CLCA1: variants seen among roughly 807,000 people sequenced by gnomAD.
The protein encoded by CLCA1 is calcium-activated chloride channel regulator 1.
Under a neutral mutation model 85.6 loss-of-function variants are expected in CLCA1, and 59 were observed. The observed-to-expected ratio is 0.69, with a 90% CI of 0.56 to 0.86. The LOEUF is 0.86. CLCA1 is among the 40% of genes least tolerant of loss of function. CLCA1 has a pLI of 0.00. For missense variants in CLCA1, 1,022 were observed against 1,101.4 expected, an observed-to-expected ratio of 0.93 and a Z score of 1.02; for synonymous variants, 396 against 398.3, an observed-to-expected ratio of 0.99 and a Z score of 0.07.
intron 10 of CLCA1, 23 bp from the exon 11 acceptor site, chr1:86,494,164 A>G: frequency 6.2e-7 from 1 of 1,611,588 alleles, no homozygotes; most frequent in South Asian, 1.1e-5. Flanking sequence ...TTCATTGGAA[A>G]TGTTTACATG....
intron 5 of CLCA1, among the ~76,000 whole-genome samples, chr1:86,483,300 C>T (rs1480721679): frequency 6.6e-6 from 1 of 152,184 alleles, no homozygotes; most frequent in Non-Finnish European, 1.5e-5. Flanking sequence ...TTTACACAAA[C>T]GTTTTTCAGG....
chr1:86,498,991 A>G (rs1401865751), intron 13 of CLCA1, among the ~76,000 whole-genome samples, 180 bp downstream of exon 13: 2 of 152,196 alleles, frequency 1.3e-5, no homozygotes, highest in Non-Finnish European at 2.9e-5. Flanking sequence ...AACCTGAAAA[A>G]CTGGTAAACT....
intron 9 of CLCA1, among the ~76,000 whole-genome samples, chr1:86,491,941 G>T (rs2791498): frequency 0.41 from 62,544 of 150,810 alleles, 13,526 homozygotes; most frequent in Non-Finnish European, 0.48. Context: ...CCACCAGGTA[G>T]AGACAGAAAA....
In CLCA1 at chr1:86,489,067, A is replaced by C; in HGVS notation, c.1254A>C (p.Ile418=). The C allele has an allele frequency of 6.2e-7, 1 of 1,614,090 alleles. No individual in the cohort carries two copies. The highest frequency in any genetic ancestry group is 1.1e-5 in the South Asian group (1 of 91,086). Residue 418 remains isoleucine (I), a synonymous_variant, in exon 8 of 14, where the codon ATA becomes ATC. Transcript: ENST00000394711. ...TGACGGATGGGGAAGACAACACTAT[A>C]AGTGGGTGCTTTAACGAGGTCAAAC... ...VLLTDGEDNT[I]SGCFNEVKQS... is the part of the protein sequence containing the mutation.
At chr1:86,494,542 C>T (rs1648225131) in intron 11 of CLCA1, 94 bp downstream of exon 11, 3 of 1,319,760 alleles carry the variant, frequency 2.3e-6, no homozygotes, top group Non-Finnish European at 3.2e-6. Context: ...GGCAGTTAGA[C>T]AGGCAAGGCA....
Position 86,494,251 on chromosome 1 carries a change from G to A in CLCA1, c.1745G>A (p.Arg582His), listed in dbSNP as rs933250668. Reference sequence around the variant, plus strand: ...ACCTTGACCCTGACTGTCACGTCCCGTGCGTCCAATGCTACCCTGCCTCCA... The same window carrying A: ...ACCTTGACCCTGACTGTCACGTCCCATGCGTCCAATGCTACCCTGCCTCCA... Reference protein sequence around the residue: ...SQTLTLTVTSRASNATLPPIT... With the variant: ...SQTLTLTVTSHASNATLPPIT... Residue 582 changes from arginine (R) to histidine (H), a missense_variant, in exon 11 of 14, where the codon CGT (arginine) becomes CAT (histidine). By Grantham distance (29) the Arg-to-His change is conservative. Coordinates refer to ENST00000394711, the MANE Select transcript of CLCA1 (RefSeq NM_001285.4). 27 of 1,614,032 alleles carry A rather than the reference G, an allele frequency of 1.7e-5. No homozygotes were observed. Among genetic ancestry groups the A allele is most frequent in the East Asian group, 2.2e-5 (1 of 44,898 alleles).
Position 86,495,527 on chromosome 1 carries a change from C to T in CLCA1, c.1965C>T (p.Asp655=), listed in dbSNP as rs5744408. The change falls in exon 12 of 14, where the codon GAC becomes GAT. Residue 655 remains aspartate (D), a synonymous_variant. Coordinates refer to ENST00000394711, the MANE Select transcript of CLCA1 (RefSeq NM_001285.4). ...NGAGADATKD[D]GVYSRYFTTY... ...AAGGTGCTGATGCTACTAAGGATGA[C>T]GGTGTCTACTCAAGGTATTTCACAA... 53,477 of 1,612,600 alleles carry T rather than the reference C, an allele frequency of 0.033. 1,064 individuals carry two copies. The highest frequency in any genetic ancestry group is 0.068 in the Middle Eastern group (414 of 6,056).
intron 7 of CLCA1, among the ~76,000 whole-genome samples, chr1:86,488,291 C>A (rs542947626): frequency 6.6e-6 from 1 of 152,280 alleles, no homozygotes; most frequent in South Asian, 2.1e-4. Context: ...AAATAGATAG[C>A]ATTATTCTTT....
At chr1:86,477,849 A>C (rs1209177352) in intron 4 of CLCA1, among the ~76,000 whole-genome samples, 2 of 152,208 alleles carry the variant, frequency 1.3e-5, no homozygotes, top group Non-Finnish European at 2.9e-5. Context: ...TTTAAAAACA[A>C]CACCATCTTT....
At position 86,485,510 on chromosome 1, in the gene CLCA1, G is replaced by T. The variant is rs1647939706; in HGVS notation, c.903G>T (p.Gln301His). The T allele has an allele frequency of 6.2e-7, 1 of 1,614,162 alleles. No individual in the cohort carries two copies. The highest frequency in any genetic ancestry group is 1.6e-4 in the Middle Eastern group (1 of 6,062). Residue 301 changes from glutamine to histidine, a missense_variant, in exon 6 of 14, where the codon CAG (glutamine) becomes CAT (histidine). Gln to His is a conservative substitution (Grantham distance 24). Coordinates refer to ENST00000394711, the MANE Select transcript of CLCA1 (RefSeq NM_001285.4). ...CAAATCCCACCTTCTCATTGCTGCA[G>T]ATTGGACAAAGAATTGTGTGTTTAG... is the stretch of plus-strand genomic sequence containing the variant. ...QPPNPTFSLL[Q>H]IGQRIVCLVL...
intron 8 of CLCA1, among the ~76,000 whole-genome samples, chr1:86,490,493 T>C (rs1052768407): frequency 6.6e-6 from 1 of 152,208 alleles, no homozygotes; most frequent in Non-Finnish European, 1.5e-5. Context: ...CACTGTTTTT[T>C]CTTGCTGCTG....
rs1645839270 is a variant in CLCA1, at chr1:86,499,873, A to G, written c.2573A>G (p.Asn858Ser). ...DKVDLKSEIS[N>S]IARVSLFIPP... The stretch of plus-strand genomic sequence containing the variant: ...GTCGATCTGAAATCAGAAATATCCA[A>G]CATTGCACGAGTATCTTTGTTTATT... The change falls in exon 14 of 14, where the codon AAC becomes AGC. Residue 858 changes from asparagine (N) to serine (S), a missense_variant. Physicochemically the swap from Asn to Ser is conservative, Grantham distance 46. Coordinates refer to ENST00000394711, the MANE Select transcript of CLCA1 (RefSeq NM_001285.4). 3 of 1,613,834 alleles carry G rather than the reference A, an allele frequency of 1.9e-6. No homozygotes were observed. The highest frequency in any genetic ancestry group is 2.5e-6 in the Non-Finnish European group (3 of 1,179,824).
chr1:86,482,381 C>T lies in CLCA1; in HGVS notation c.734C>T (p.Ser245Phe). 1 of 1,612,588 alleles carries T rather than the reference C, an allele frequency of 6.2e-7. No individual in the cohort carries two copies. The highest frequency in any genetic ancestry group is 8.5e-7 in the Non-Finnish European group (1 of 1,179,194). ...ASIMFAQHVD[S>F]IVEFCTEQNH... is the part of the protein sequence containing the mutation. Reference sequence around the variant, plus strand: ...ATAATGTTTGCACAACATGTTGATTCTGTAAGTACCTTGTTCTCACCCCCT... The same window carrying T: ...ATAATGTTTGCACAACATGTTGATTTTGTAAGTACCTTGTTCTCACCCCCT... Residue 245 changes from serine (S) to phenylalanine (F), a missense_variant and splice_region_variant, in exon 5 of 14, where the codon TCT becomes TTT. By Grantham distance (155) the Ser-to-Phe change is radical (BLOSUM62 -2). Transcript: ENST00000394711.
chr1:86,490,926 A>C (rs1205977107), intron 8 of CLCA1, among the ~76,000 whole-genome samples: 2 of 148,284 alleles, frequency 1.3e-5, no homozygotes, highest in Non-Finnish European at 3.0e-5. Flanking sequence ...AAAAAAATAC[A>C]AAAATTAGAC....
chr1:86,486,907 C>A (rs1647995149), intron 7 of CLCA1, among the ~76,000 whole-genome samples, 154 bp downstream of exon 7: 1 of 152,164 alleles, frequency 6.6e-6, no homozygotes, highest in East Asian at 1.9e-4. Context: ...TGTTTAGCCA[C>A]ATGAAACAGA....
chr1:86,495,587 G>T lies in CLCA1; in HGVS notation c.2025G>T (p.Val675=). The change falls in exon 12 of 14, where the codon GTG becomes GTT. Residue 675 remains valine (V), a synonymous_variant. Coordinates refer to ENST00000394711, the MANE Select transcript of CLCA1 (RefSeq NM_001285.4). ...CGAATGGTAGATACAGTGTAAAAGT[G>T]CGGGCTCTGGGAGGAGTTAACGCAG... ...YDTNGRYSVK[V]RALGGVNAAR... The T allele has an allele frequency of 6.2e-7, 1 of 1,614,130 alleles. No individual in the cohort carries two copies. Among genetic ancestry groups the T allele is most frequent in the Non-Finnish European group, 8.5e-7 (1 of 1,179,982 alleles).
At chr1:86,490,037 G>T (rs1190086813) in intron 8 of CLCA1, among the ~76,000 whole-genome samples, 1 of 152,214 alleles carries the variant, frequency 6.6e-6, no homozygotes, top group Non-Finnish European at 1.5e-5. Flanking sequence ...GACCTAGTCG[G>T]AGTCTAGCTG....
chr1:86,495,501 C>T lies in CLCA1; in HGVS notation c.1943-4C>T, dbSNP rs776016414. The T allele has an allele frequency of 4.4e-6, 7 of 1,605,298 alleles. No individual in the cohort carries two copies. In the South Asian group the frequency reaches 4.4e-5, roughly 10 times the overall value. On this transcript the variant is annotated splice_region_variant and splice_polypyrimidine_tract_variant and intron_variant, in intron 11 of 13. Coordinates refer to ENST00000394711, the MANE Select transcript of CLCA1 (RefSeq NM_001285.4). ...ATTTATTAATTCCTTCATTCTTTAT[C>T]AAGGTGCTGATGCTACTAAGGATGA...
At chr1:86,489,301 T>G in intron 8 of CLCA1, 131 bp downstream of exon 8, 2 of 786,808 alleles carry the variant, frequency 2.5e-6, no homozygotes, top group South Asian at 1.8e-5. Flanking sequence ...TAGCCACCCT[T>G]ACCCCTGAAT....
Sources: gnomAD v4.1 joint callset for allele counts (sites outside exome capture counted in the v4.1 genomes callset) on GRCh38, gnomAD v4.1.1 for gene constraint, MANE v1.5 for transcripts, NCBI Gene and HGNC (gene_info 2026-07-23, HGNC 2026-07-21) for gene names.